PDE8A: variants seen among roughly 807,000 people sequenced by gnomAD.
PDE8A encodes the protein high affinity cAMP-specific and IBMX-insensitive 3',5'-cyclic phosphodiesterase 8A.
In PDE8A, 59 loss-of-function variants were observed where a neutral mutation model predicts 105.0. The ratio of observed to expected loss-of-function variants is 0.56; its 90% confidence interval spans 0.46 to 0.70. The LOEUF (loss-of-function observed/expected upper bound fraction) is 0.70, where lower values mean the gene tolerates loss of function less well. Among genes scored for constraint, PDE8A ranks in the 30% least tolerant of loss-of-function variants. The pLI, the probability that PDE8A is intolerant of heterozygous loss-of-function variation, is 0.00. For synonymous variants in PDE8A, 355 were observed against 371.9 expected (o/e 0.95, Z 0.52); for missense variants, 1,014 against 1,045.9 (o/e 0.97, Z 0.42).
At position 85,058,942 on chromosome 15, in the gene PDE8A, T is replaced by A. The variant is rs2141437949; in HGVS notation, c.187-5428T>A. On this transcript the variant is annotated intron_variant, in intron 1 of 21. Coordinates refer to ENST00000394553, the MANE Select transcript of PDE8A (RefSeq NM_002605.3). ...TTCCATCTGCTAGCTTTGGGTTTAG[T>A]TTTCTCTTTTTCTAGTTCCCTAAAT... Among the ~76,000 whole-genome samples the A allele has an allele frequency of 2.0e-5, 3 of 152,266 alleles. No homozygotes were observed. The East Asian group carries it at 5.8e-4, about 29-fold the overall frequency.
intron 11 of PDE8A, among the ~76,000 whole-genome samples, chr15:85,101,840 G>A (rs915198871): frequency 1.3e-5 from 2 of 152,210 alleles, no homozygotes; most frequent in Non-Finnish European, 2.9e-5. Context: ...TGGAGATTCA[G>A]GCAGTAGCAG....
intron 5 of PDE8A, among the ~76,000 whole-genome samples, chr15:85,080,274 C>T (rs981417501): frequency 4.6e-5 from 7 of 152,194 alleles, no homozygotes; most frequent in Non-Finnish European, 7.3e-5. Flanking sequence ...CAGCACCTAC[C>T]TCCATTCCCT....
chr15:85,082,972 A>G (rs979479278), intron 5 of PDE8A, among the ~76,000 whole-genome samples: 1 of 152,254 alleles, frequency 6.6e-6, no homozygotes, highest in Non-Finnish European at 1.5e-5. Flanking sequence ...ACACTGGGCA[A>G]ATCCATCCAT....
chr15:85,061,587 A>G (rs1448297606), intron 1 of PDE8A, among the ~76,000 whole-genome samples: 1 of 152,088 alleles, frequency 6.6e-6, no homozygotes, highest in Non-Finnish European at 1.5e-5. Flanking sequence ...GTTTCATTAT[A>G]ATGTGTCTTG....
intron 1 of PDE8A, among the ~76,000 whole-genome samples, chr15:85,014,720 A>T (rs1441034119): frequency 1.3e-5 from 2 of 152,152 alleles, no homozygotes; most frequent in African/African-American, 4.8e-5. Flanking sequence ...TTCACAGCAT[A>T]TCCTTGGGAT....
chr15:85,038,670 A>G (rs2080749604), intron 1 of PDE8A, among the ~76,000 whole-genome samples: 1 of 152,222 alleles, frequency 6.6e-6, no homozygotes, highest in Non-Finnish European at 1.5e-5. Flanking sequence ...AACTTAAAAA[A>G]TGGCCAAAGG....
At chr15:85,025,455 T>C (rs771304965) in intron 1 of PDE8A, among the ~76,000 whole-genome samples, 6 of 152,158 alleles carry the variant, frequency 3.9e-5, no homozygotes, top group Admixed American at 6.6e-5. Context: ...GGGCAGGCAG[T>C]ACTATGTTAT....
chr15:84,985,737 T>C (rs938154867), intron 1 of PDE8A, among the ~76,000 whole-genome samples: 6 of 152,270 alleles, frequency 3.9e-5, no homozygotes, highest in Non-Finnish European at 7.4e-5. Context: ...TTAGAGAATT[T>C]TGTGAACCAG....
chr15:85,050,163 G>T (rs564856129), intron 1 of PDE8A, among the ~76,000 whole-genome samples: 18 of 152,070 alleles, frequency 1.2e-4, no homozygotes, highest in African/African-American at 4.3e-4. Context: ...GCCCATTTTT[G>T]AATTGGGTTG....
chr15:85,006,697 A>G (rs2080153561), intron 1 of PDE8A, among the ~76,000 whole-genome samples: 1 of 151,842 alleles, frequency 6.6e-6, no homozygotes, highest in Admixed American at 6.6e-5. Context: ...TGTGGTGAAT[A>G]ACTTTTTTTT....
In PDE8A at chr15:85,089,331, C is replaced by G. The variant is rs769774840; in HGVS notation, c.636-7C>G. ...TTAATCATTCCTTTTTTTGTTTACT[C>G]ATAAAGGGCTTGTAACTCAGTATTC... On this transcript the variant is annotated splice_polypyrimidine_tract_variant and splice_region_variant and intron_variant, in intron 6 of 21. Transcript: ENST00000394553. 3.4e-6 allele frequency: 5 copies of G among 1,475,584 alleles called. No homozygotes were observed. The highest frequency in any genetic ancestry group is 2.3e-5 in the East Asian group (1 of 44,034). The allele number at this position is 1,475,584 out of a possible 1,614,324, so 91.4% of individuals were successfully genotyped here. A position where few individuals can be genotyped will look rare whatever the true frequency, so the allele number is the denominator to read the frequency against.
chr15:84,990,520 A>G (rs1210584605), intron 1 of PDE8A, among the ~76,000 whole-genome samples: 1 of 152,224 alleles, frequency 6.6e-6, no homozygotes, highest in Non-Finnish European at 1.5e-5. Flanking sequence ...TTCACTCAGC[A>G]TAATGTTTTT....
At chr15:85,023,700 C>T (rs1310133122) in intron 1 of PDE8A, among the ~76,000 whole-genome samples, 1 of 151,992 alleles carries the variant, frequency 6.6e-6, no homozygotes, top group African/African-American at 2.4e-5. Context: ...TGGAGTGGAG[C>T]AGGGTAAGGT....
In PDE8A at chr15:84,981,872, C is replaced by G. The variant is rs533020939; in HGVS notation, c.-291C>G. The G allele has an allele frequency of 1.2e-4, 25 of 210,362 alleles. No homozygotes were observed. The East Asian group carries it at 2.2e-3, about 19-fold the overall frequency. The allele number at this position is 210,362 out of a possible 1,614,324, so 13.0% of individuals were successfully genotyped here. On this transcript the variant is annotated 5_prime_UTR_variant, in exon 1 of 22. Transcript: ENST00000394553. The stretch of plus-strand genomic sequence containing the variant: ...CCCGGAAGCGCGGCCGAGGCGAGCC[C>G]GGCGATGTGAGAGGCGGCCGTCGGC...
At position 84,995,001 on chromosome 15, in the gene PDE8A, G is replaced by A. The variant is rs191409523; in HGVS notation, c.186+12653G>A. Among the ~76,000 whole-genome samples the A allele has an allele frequency of 6.0e-4, 91 of 151,760 alleles. 2 individuals carry two copies. The highest frequency in any genetic ancestry group is 3.4e-3 in the Middle Eastern group (1 of 290). On this transcript the variant is annotated intron_variant, in intron 1 of 21. Coordinates refer to ENST00000394553, the MANE Select transcript of PDE8A (RefSeq NM_002605.3). ...AGAGAAAAAGCAATTGTAAATGTTAGTATACTATACTTCCCCTTAAATATT... is the reference window on the plus strand; with the variant it reads ...AGAGAAAAAGCAATTGTAAATGTTAATATACTATACTTCCCCTTAAATATT...
intron 15 of PDE8A, 142 bp downstream of exon 15, chr15:85,115,629 C>A: frequency 1.8e-6 from 1 of 567,884 alleles, no homozygotes; most frequent in Non-Finnish European, 3.1e-6. Context: ...GTCCCTGAGG[C>A]GGTACTGTCC....
chr15:85,092,782 T>G (rs2081667177), intron 8 of PDE8A, among the ~76,000 whole-genome samples: 1 of 152,168 alleles, frequency 6.6e-6, no homozygotes, highest in Non-Finnish European at 1.5e-5. Context: ...GTCTCACCTT[T>G]GCTGGGGTTG....
At chr15:85,046,986 T>A (rs1352008976) in intron 1 of PDE8A, among the ~76,000 whole-genome samples, 2 of 152,234 alleles carry the variant, frequency 1.3e-5, no homozygotes. Flanking sequence ...ATAACCTTTT[T>A]AAATAATCTT....
intron 14 of PDE8A, among the ~76,000 whole-genome samples, chr15:85,114,628 T>G (rs1279026249): frequency 6.6e-6 from 1 of 152,198 alleles, no homozygotes. Context: ...ATTCCATTGC[T>G]CTCTGTCAGC....
Sources: gnomAD v4.1 joint callset for allele counts (sites outside exome capture counted in the v4.1 genomes callset) on GRCh38, gnomAD v4.1.1 for gene constraint, MANE v1.5 for transcripts, NCBI Gene and HGNC (gene_info 2026-07-23, HGNC 2026-07-21) for gene names.